The following SPTBN1 variants were observed in gnomAD, a reference collection of about 807,000 sequenced individuals.
The protein encoded by SPTBN1 is spectrin beta chain, non-erythrocytic 1.
In SPTBN1, 32 loss-of-function variants were observed where a neutral mutation model predicts 266.4. That is an observed-to-expected ratio of 0.12 (90% CI 0.09 to 0.16). The LOEUF (loss-of-function observed/expected upper bound fraction) is 0.16, where lower values mean the gene tolerates loss of function less well. Among genes scored for constraint, SPTBN1 ranks in the 10% least tolerant of loss-of-function variants. The probability of loss-of-function intolerance (pLI) is 1.00; values close to 1 mark genes in which losing one functional copy is unlikely to be tolerated. For missense variants in SPTBN1, 2,296 were observed against 3,067.1 expected (o/e 0.75, Z 5.94); for synonymous variants, 1,336 against 1,162.2 (o/e 1.15, Z -3.04).
intron 17 of SPTBN1, 136 bp from the exon 18 acceptor site, chr2:54,637,577 C>T: frequency 1.5e-6 from 1 of 686,450 alleles, no homozygotes; most frequent in Non-Finnish European, 2.4e-6. Flanking sequence ...TATCTTGTCT[C>T]CTTCACATTA....
chr2:54,482,740 A>G (rs1250752455), intron 1 of SPTBN1, among the ~76,000 whole-genome samples: 1 of 152,216 alleles, frequency 6.6e-6, no homozygotes, highest in East Asian at 1.9e-4. Flanking sequence ...CACAGCAGAC[A>G]GTTTCATTGG....
chr2:54,624,720 T>C (rs993465841), intron 10 of SPTBN1, 84 bp from the exon 11 acceptor site: 34 of 1,563,750 alleles, frequency 2.2e-5, no homozygotes, highest in Non-Finnish European at 2.5e-5. Context: ...TTGAGAAATA[T>C]TAGCTGTTGA....
At chr2:54,655,559 G>C (rs1425029761) in intron 28 of SPTBN1, among the ~76,000 whole-genome samples, 1 of 152,186 alleles carries the variant, frequency 6.6e-6, no homozygotes, top group African/African-American at 2.4e-5. Flanking sequence ...GTAATAAAGA[G>C]GTAAATTATT....
At chr2:54,665,645 G>A (rs1681319037) in intron 33 of SPTBN1, among the ~76,000 whole-genome samples, 1 of 152,088 alleles carries the variant, frequency 6.6e-6, no homozygotes. Context: ...AGTACAAGAG[G>A]GTAACTTGCT....
chr2:54,562,783 C>G (rs1253307140), intron 2 of SPTBN1, among the ~76,000 whole-genome samples: 1 of 151,250 alleles, frequency 6.6e-6, no homozygotes, highest in African/African-American at 2.4e-5. Context: ...GTCTTGAACT[C>G]ATGAGCTCAA....
intron 1 of SPTBN1, among the ~76,000 whole-genome samples, chr2:54,489,320 CAA>C (rs201451946): frequency 1.0e-4 from 11 of 110,338 alleles, no homozygotes; most frequent in African/African-American, 1.0e-4. Context: ...GACCCTGTCT[CAA>C]AAAAAAAAAA....
intron 6 of SPTBN1, 151 bp downstream of exon 6, chr2:54,617,839 A>C (rs1249640203): frequency 1.3e-6 from 1 of 742,000 alleles, no homozygotes; most frequent in African/African-American, 1.8e-5. Context: ...ATGGGAGAAT[A>C]TATAAATTCT....
At chr2:54,525,092 A>G (rs538074581) in intron 1 of SPTBN1, among the ~76,000 whole-genome samples, 195 of 152,318 alleles carry the variant, frequency 1.3e-3, no homozygotes, top group Non-Finnish European at 2.5e-3. Flanking sequence ...AGTACGTAGT[A>G]AGTCTTCATT....
At chr2:54,515,267 A>T (rs1226470451) in intron 1 of SPTBN1, among the ~76,000 whole-genome samples, 1 of 152,104 alleles carries the variant, frequency 6.6e-6, no homozygotes, top group African/African-American at 2.4e-5. Flanking sequence ...TATCCTTAAA[A>T]ACTCCAGTCC....
At chr2:54,578,177 T>G (rs1674617114) in intron 2 of SPTBN1, among the ~76,000 whole-genome samples, 2 of 152,314 alleles carry the variant, frequency 1.3e-5, no homozygotes, top group Non-Finnish European at 2.9e-5. Context: ...AAGTAGAATC[T>G]TGGATTTAAA....
In SPTBN1 at chr2:54,540,796, G is replaced by A. The variant is rs1000904075; in HGVS notation, c.148+14230G>A. On this transcript the variant is annotated intron_variant, in intron 2 of 35. Transcript: ENST00000356805. The surrounding 1 kb of genome is among the most constrained non-coding windows in gnomAD (Gnocchi z 5.6). The stretch of plus-strand genomic sequence containing the variant: ...CACAGTTTTCCTGGAGAACTGTATT[G>A]TGACAAGGACATACAGAGTATTAGG... The A allele has an allele frequency of 6.6e-6, 1 of 152,222 alleles. No homozygotes were observed. Among genetic ancestry groups the A allele is most frequent in the African/African-American group, 2.4e-5 (1 of 41,450 alleles). 9.4% of individuals were successfully genotyped at this position (152,222 alleles called of 1,614,324 possible). A position where few individuals can be genotyped will look rare whatever the true frequency, so the allele number is the denominator to read the frequency against.
rs910352484 is a variant in SPTBN1, at chr2:54,566,550, G to A, written c.149-32542G>A. The stretch of plus-strand genomic sequence containing the variant: ...CTGCATTGACTTAAAAGTTTGACAG[G>A]CCAAGCTCAGTGTCTCATGTCTGTA... On this transcript the variant is annotated intron_variant, in intron 2 of 35. Transcript: ENST00000356805. Among the ~76,000 whole-genome samples, 3 of 152,138 alleles carry A rather than the reference G, an allele frequency of 2.0e-5. No individual in the cohort carries two copies. The East Asian group carries it at 5.8e-4, about 29-fold the overall frequency.
At chr2:54,597,647 T>C (rs1573497493) in intron 2 of SPTBN1, among the ~76,000 whole-genome samples, 1 of 152,278 alleles carries the variant, frequency 6.6e-6, no homozygotes, top group South Asian at 2.1e-4. Context: ...CAATGTCATC[T>C]CTGCCTCATT....
chr2:54,617,756 G>A (rs1677705028), intron 6 of SPTBN1, 68 bp downstream of exon 6: 3 of 1,529,658 alleles, frequency 2.0e-6, no homozygotes, highest in Non-Finnish European at 2.7e-6. Flanking sequence ...AGCAGATTTG[G>A]GTGACTTTTC....
In SPTBN1 at chr2:54,540,880, G is replaced by A. The variant is rs1030824430; in HGVS notation, c.148+14314G>A. ...ATGTTAAAATTGTAGTAGTTTATACGTAGATTACCTCTATTTTGCTGCAAC... is the reference window on the plus strand; with the variant it reads ...ATGTTAAAATTGTAGTAGTTTATACATAGATTACCTCTATTTTGCTGCAAC... On this transcript the variant is annotated intron_variant, in intron 2 of 35. Coordinates refer to ENST00000356805, the MANE Select transcript of SPTBN1 (RefSeq NM_003128.3). This position sits in a 1 kb window ranked among gnomAD's most constrained non-coding sequence, Gnocchi z 5.6. Among the ~76,000 whole-genome samples, 3 of 152,190 alleles carry A rather than the reference G, an allele frequency of 2.0e-5. No homozygotes were observed. Among genetic ancestry groups the A allele is most frequent in the African/African-American group, 7.2e-5 (3 of 41,436 alleles).
At position 54,563,593 on chromosome 2, in the gene SPTBN1, C is replaced by CT. The variant is rs750173696; in HGVS notation, c.149-35471dup. Among the ~76,000 whole-genome samples, 381 of 64,472 alleles carry CT rather than the reference C, an allele frequency of 5.9e-3. 36 individuals carry two copies. Among genetic ancestry groups the CT allele is most frequent in the African/African-American group, 0.014 (218 of 15,500 alleles). 42.3% of individuals were successfully genotyped at this position (64,472 alleles called of 152,430 possible). On this transcript the variant is annotated intron_variant, in intron 2 of 35. Transcript: ENST00000356805. ...CTCTGAATCATGAAGAAAATTTATT[C>CT]TTTTTTTTTTTTTTTTTTTTTTTTT...
At chr2:54,555,888 C>T (rs1351077991) in intron 2 of SPTBN1, among the ~76,000 whole-genome samples, 1 of 152,202 alleles carries the variant, frequency 6.6e-6, no homozygotes, top group African/African-American at 2.4e-5. Flanking sequence ...GAGTTCTTCC[C>T]ACCTACCTTT....
At chr2:54,601,616 G>C (rs139206003) in intron 3 of SPTBN1, among the ~76,000 whole-genome samples, 31 of 152,284 alleles carry the variant, frequency 2.0e-4, no homozygotes, top group African/African-American at 6.7e-4. Context: ...CTGCACCAGT[G>C]GTCCAAAACC....
At chr2:54,587,275 T>C (rs1035666684) in intron 2 of SPTBN1, among the ~76,000 whole-genome samples, 3 of 152,336 alleles carry the variant, frequency 2.0e-5, no homozygotes, top group Non-Finnish European at 4.4e-5. Flanking sequence ...TAGTATAGAA[T>C]GTAATATTTA....
Sources: allele counts gnomAD v4.1 joint callset (sites outside exome capture counted in the v4.1 genomes callset), GRCh38; gene constraint gnomAD v4.1.1; non-coding constraint Gnocchi (gnomAD v3.1); transcripts MANE v1.5; gene names NCBI Gene and HGNC (gene_info 2026-07-23, HGNC 2026-07-21).